The following MAN1C1 variants were observed in gnomAD, a reference collection of about 807,000 sequenced individuals.
MAN1C1 encodes mannosidase alpha class 1C member 1.
Under a neutral mutation model 71.5 loss-of-function variants are expected in MAN1C1, and 49 were observed. The observed-to-expected ratio is 0.69, with a 90% CI of 0.54 to 0.87. The LOEUF (loss-of-function observed/expected upper bound fraction) is 0.87, where lower values mean the gene tolerates loss of function less well. MAN1C1 is among the 40% of genes least tolerant of loss of function. The pLI is 0.00. For missense variants in MAN1C1, 743 were observed against 835.0 expected (o/e 0.89, Z 1.36); for synonymous variants, 352 against 343.7 (o/e 1.02, Z -0.27).
chr1:25,692,999 G>A (rs1251501150), intron 2 of MAN1C1, among the ~76,000 whole-genome samples: 4 of 152,114 alleles, frequency 2.6e-5, no homozygotes, highest in Non-Finnish European at 5.9e-5. Context: ...GGGGTAAGAG[G>A]CACCAACCCC....
intron 6 of MAN1C1, chr1:25,760,777 C>A (rs1207323429): frequency 6.6e-6 from 1 of 152,212 alleles, no homozygotes. Context: ...GTCCCAAGGG[C>A]CTTTCTCTCC....
intron 1 of MAN1C1, among the ~76,000 whole-genome samples, chr1:25,620,564 G>C (rs1467821626): frequency 6.6e-6 from 1 of 152,176 alleles, no homozygotes; most frequent in East Asian, 1.9e-4. Flanking sequence ...AATTCTATCT[G>C]CGTCATGCCC....
intron 7 of MAN1C1, among the ~76,000 whole-genome samples, chr1:25,770,952 G>T (rs919773936): frequency 6.6e-6 from 1 of 152,178 alleles, no homozygotes; most frequent in Admixed American, 6.5e-5. Flanking sequence ...TTTCTGTCTT[G>T]CGTCTGCGGT....
At chr1:25,656,095 CTTTTTTT>C (rs59710145) in intron 1 of MAN1C1, among the ~76,000 whole-genome samples, 2 of 74,980 alleles carry the variant, frequency 2.7e-5, no homozygotes, top group East Asian at 4.9e-4. Flanking sequence ...GATTATCAGT[CTTTTTTT>C]TTTTTTTTTT....
chr1:25,686,476 G>A lies in MAN1C1; in HGVS notation c.577G>A (p.Ala193Thr). The change falls in exon 2 of 12, where the codon GCA becomes ACA. Residue 193 changes from alanine (A) to threonine (T), a missense_variant. By Grantham distance (58) the Ala-to-Thr change is moderately conservative. Transcript: ENST00000374332. Reference protein sequence around the residue: ...QFAWQSYKRYAMGKNELRPLT... With the variant: ...QFAWQSYKRYTMGKNELRPLT... ...TGCTTGGCAGAGCTATAAGCGTTAT[G>A]CAATGGGGAAAAACGAACTCCGTCC... is the stretch of plus-strand genomic sequence containing the variant. 1 of 1,614,196 alleles carries A rather than the reference G, an allele frequency of 6.2e-7. No individual in the cohort carries two copies. Among genetic ancestry groups the A allele is most frequent in the South Asian group, 1.1e-5 (1 of 91,086 alleles).
chr1:25,661,329 A>G (rs1429317045), intron 1 of MAN1C1, among the ~76,000 whole-genome samples: 1 of 152,262 alleles, frequency 6.6e-6, no homozygotes, highest in Non-Finnish European at 1.5e-5. Flanking sequence ...AGTGTGGACT[A>G]TGTGCCAGGC....
In MAN1C1 at chr1:25,746,715, C is replaced by G. The variant is rs748032758; in HGVS notation, c.685C>G (p.Leu229Val). 1.2e-6 allele frequency: 2 copies of G among 1,613,852 alleles called. No homozygotes were observed. Among genetic ancestry groups the G allele is most frequent in the East Asian group, 2.2e-5 (1 of 44,854 alleles). Residue 229 changes from leucine (L) to valine (V), a missense_variant, in exon 3 of 12, where the codon CTC becomes GTC. Physicochemically the swap from Leu to Val is conservative, Grantham distance 32. Transcript: ENST00000374332. The surrounding 1 kb of genome is among the most constrained non-coding windows in gnomAD (Gnocchi z 4.0). ...TVIDSLDTLY[L>V]MELKEEFQEA... ...CATTGACTCCCTCGATACCCTCTAC[C>G]TCATGGAGCTGAAGGAGGAGTTCCA...
chr1:25,753,538 A>T lies in MAN1C1; in HGVS notation c.889A>T (p.Thr297Ser). The T allele has an allele frequency of 6.2e-7, 1 of 1,613,632 alleles. No homozygotes were observed. The highest frequency in any genetic ancestry group is 8.5e-7 in the Non-Finnish European group (1 of 1,179,832). ...LGEKLLPAFN[T>S]PTGIPKGVVS... The stretch of plus-strand genomic sequence containing the variant: ...AGAGAAGCTCCTGCCGGCGTTCAAC[A>T]CCCCCACGGGAATCCCAAAGGGCGT... The change falls in exon 5 of 12, where the codon ACC (threonine) becomes TCC (serine). Residue 297 changes from threonine (T) to serine (S), a missense_variant. By Grantham distance (58) the Thr-to-Ser change is moderately conservative (BLOSUM62 1). Transcript: ENST00000374332. The surrounding 1 kb of genome is among the most constrained non-coding windows in gnomAD (Gnocchi z 4.9).
intron 4 of MAN1C1, 103 bp downstream of exon 4, chr1:25,749,438 G>A (rs2047182710): frequency 3.7e-6 from 4 of 1,073,116 alleles, no homozygotes; most frequent in Middle Eastern, 2.3e-4. Context: ...AGGGACTTAA[G>A]GGGGCAGGGA....
At chr1:25,676,715 T>C (rs545821731) in intron 1 of MAN1C1, among the ~76,000 whole-genome samples, 1 of 152,356 alleles carries the variant, frequency 6.6e-6, no homozygotes, top group Non-Finnish European at 1.5e-5. Flanking sequence ...CACTTGTCTT[T>C]AATGACTGGG....
chr1:25,628,417 C>T (rs571262170), intron 1 of MAN1C1, among the ~76,000 whole-genome samples: 36 of 152,286 alleles, frequency 2.4e-4, no homozygotes, highest in African/African-American at 7.2e-4. Flanking sequence ...AAGCAATTCT[C>T]CTGCCTCAGT....
At chr1:25,710,211 C>G (rs1023442874) in intron 2 of MAN1C1, 1 of 152,236 alleles carries the variant, frequency 6.6e-6, no homozygotes, top group Non-Finnish European at 1.5e-5. Flanking sequence ...TCCTGCTCTG[C>G]CACTTCCTAG....
intron 1 of MAN1C1, among the ~76,000 whole-genome samples, chr1:25,637,185 G>A (rs1325647183): frequency 6.6e-6 from 1 of 151,896 alleles, no homozygotes; most frequent in Non-Finnish European, 1.5e-5. Context: ...AAATAATTTA[G>A]GTCATACTTT....
chr1:25,745,046 A>T (rs890661427), intron 2 of MAN1C1, among the ~76,000 whole-genome samples: 2 of 152,252 alleles, frequency 1.3e-5, no homozygotes, highest in African/African-American at 4.8e-5. Context: ...AGCCTTTCAG[A>T]TAGTAGCAGG....
intron 2 of MAN1C1, chr1:25,709,718 C>CT (rs1215536620): frequency 1.3e-5 from 2 of 151,580 alleles, no homozygotes; most frequent in East Asian, 1.9e-4. Context: ...GAAGGAAACT[C>CT]TATCTATCTA....
Position 25,764,641 on chromosome 1 carries a change from C to T in MAN1C1, c.1141+674C>T, listed in dbSNP as rs2047404745. On this transcript the variant is annotated intron_variant, in intron 7 of 11. Transcript: ENST00000374332. The surrounding 1 kb of genome is among the most constrained non-coding windows in gnomAD (Gnocchi z 4.4). ...AGATGTTGGCCAAGCTGGTCTCGAA[C>T]TCCTGACCTCAAATGATCCAACCGC... Among the ~76,000 whole-genome samples the T allele has an allele frequency of 6.6e-6, 1 of 151,960 alleles. No individual in the cohort carries two copies. Among genetic ancestry groups the T allele is most frequent in the Non-Finnish European group, 1.5e-5 (1 of 68,010 alleles).
At chr1:25,696,389 G>C (rs1332164955) in intron 2 of MAN1C1, among the ~76,000 whole-genome samples, 1 of 151,730 alleles carries the variant, frequency 6.6e-6, no homozygotes, top group Non-Finnish European at 1.5e-5. Context: ...TCGAACCCTG[G>C]TCTTCTAACT....
chr1:25,778,155 T>A lies in MAN1C1; in HGVS notation c.1308T>A (p.Ile436=), dbSNP rs2047644069. 1.2e-6 allele frequency: 2 copies of A among 1,604,176 alleles called. No homozygotes were observed. The highest frequency in any genetic ancestry group is 1.7e-6 in the Non-Finnish European group (2 of 1,173,982). The change falls in exon 9 of 12, where the codon ATT becomes ATA. Residue 436 remains isoleucine, a synonymous_variant. Coordinates refer to ENST00000374332, the MANE Select transcript of MAN1C1 (RefSeq NM_020379.4). The surrounding 1 kb of genome is among the most constrained non-coding windows in gnomAD (Gnocchi z 5.5). The part of the protein sequence containing the change: ...LNVSPGGLTY[I]AEWRGGILDH... Reference sequence around the variant, plus strand: ...TCTCTCCCGGGGGGCTGACCTACATTGCCGAGTGGCGAGGGGGGATTCTGG... The same window carrying A: ...TCTCTCCCGGGGGGCTGACCTACATAGCCGAGTGGCGAGGGGGGATTCTGG...
rs980279366 is a variant in MAN1C1, at chr1:25,674,133, C to T, written c.541-12307C>T. 2.6e-5 allele frequency among the ~76,000 whole-genome samples: 4 copies of T among 152,322 alleles called. No homozygotes were observed. In the East Asian group the frequency reaches 5.8e-4, roughly 22 times the overall value. ...GTGCAGCTGCTCTTGTCTGTCTGCA[C>T]GCTGCACCAAGACCAAAGCCTCGCT... On this transcript the variant is annotated intron_variant, in intron 1 of 11. Transcript: ENST00000374332.
Sources: gnomAD v4.1 joint callset for allele counts (sites outside exome capture counted in the v4.1 genomes callset) on GRCh38, gnomAD v4.1.1 for gene constraint, Gnocchi (gnomAD v3.1) non-coding constraint, MANE v1.5 for transcripts, NCBI Gene and HGNC (gene_info 2026-07-23, HGNC 2026-07-21) for gene names.